RBFOX1: variants seen among roughly 807,000 people sequenced by gnomAD.
RBFOX1 encodes RNA binding protein fox-1 homolog 1.
Under a neutral mutation model 57.7 loss-of-function variants are expected in RBFOX1, and 8 were observed. The observed-to-expected ratio is 0.14, with a 90% CI of 0.08 to 0.25. The LOEUF (loss-of-function observed/expected upper bound fraction) is 0.25. Among genes scored for constraint, RBFOX1 ranks in the 10% least tolerant of loss-of-function variants. The pLI, the probability that RBFOX1 is intolerant of heterozygous loss-of-function variation, is 1.00. For synonymous variants in RBFOX1, 326 were observed against 222.4 expected, an observed-to-expected ratio of 1.47 and a Z score of -4.15; for missense variants, 611 against 548.5, an observed-to-expected ratio of 1.11 and a Z score of -1.14.
At chr16:7,400,962 G>A (rs1009385344) in intron 4 of RBFOX1, among the ~76,000 whole-genome samples, 2 of 152,180 alleles carry the variant, frequency 1.3e-5, no homozygotes, top group Non-Finnish European at 2.9e-5. Context: ...TTTCTAATAT[G>A]TTACCCTGCC....
intron 14 of RBFOX1, among the ~76,000 whole-genome samples, chr16:7,708,772 G>C (rs1251816156): frequency 6.6e-6 from 1 of 152,154 alleles, no homozygotes; most frequent in African/African-American, 2.4e-5. Context: ...TACTTGAGCA[G>C]TGTAGAAACA....
At chr16:6,865,314 T>A (rs186534283) in intron 3 of RBFOX1, among the ~76,000 whole-genome samples, 21 of 152,206 alleles carry the variant, frequency 1.4e-4, no homozygotes, top group South Asian at 6.2e-4. Context: ...GGAGTGGGTT[T>A]TTTAAGTACT....
chr16:7,275,610 T>G (rs2153146540), intron 4 of RBFOX1, among the ~76,000 whole-genome samples: 1 of 152,338 alleles, frequency 6.6e-6, no homozygotes, highest in South Asian at 2.1e-4. Flanking sequence ...ATTTAGATGG[T>G]AGGTTGGATT....
At chr16:6,132,962 C>G (rs1401803712) in intron 1 of RBFOX1, among the ~76,000 whole-genome samples, 2 of 115,268 alleles carry the variant, frequency 1.7e-5, no homozygotes, top group African/African-American at 4.5e-5. Context: ...GAGACTCTGT[C>G]TCAAAAAAAA....
rs1380297281 is a variant in RBFOX1 at position 5,291,593 on chromosome 16, G to A, written c.219+51488G>A. Among the ~76,000 whole-genome samples, 3 of 152,202 alleles carry A rather than the reference G, an allele frequency of 2.0e-5. No individual in the cohort carries two copies. The East Asian group carries it at 5.8e-4, about 29-fold the overall frequency. On this transcript the variant is annotated intron_variant, in intron 1 of 2. Coordinates refer to the RBFOX1 transcript ENST00000585867. ...TTTATCATTGTTAACCCACAGAGCA[G>A]TGGGAGTCATTGAAAGTGAGTGATC...
intron 3 of RBFOX1, among the ~76,000 whole-genome samples, chr16:6,942,331 C>A (rs571068479): frequency 1.3e-5 from 2 of 152,202 alleles, no homozygotes; most frequent in East Asian, 3.9e-4. Context: ...CCACGCTCAG[C>A]TAATTTTTTG....
intron 3 of RBFOX1, among the ~76,000 whole-genome samples, chr16:6,934,955 G>T (rs116113087): frequency 6.6e-6 from 1 of 152,056 alleles, no homozygotes; most frequent in East Asian, 1.9e-4. Flanking sequence ...TGGCCTGGTG[G>T]CATTTGCCTG....
intron 3 of RBFOX1, among the ~76,000 whole-genome samples, chr16:6,671,930 C>G (rs143627885): frequency 6.6e-6 from 1 of 152,258 alleles, no homozygotes; most frequent in East Asian, 1.9e-4. Flanking sequence ...AAAACTGTTG[C>G]GACTACTAAG....
At chr16:7,330,248 C>T (rs115091589) in intron 4 of RBFOX1, among the ~76,000 whole-genome samples, 2,111 of 151,982 alleles carry the variant, frequency 0.014, 48 homozygotes, top group African/African-American at 0.047. Context: ...CACATCTTCC[C>T]GTATACATAT....
chr16:6,367,664 G>A (rs1048493718), intron 2 of RBFOX1, among the ~76,000 whole-genome samples: 2 of 151,836 alleles, frequency 1.3e-5, no homozygotes, highest in Admixed American at 1.3e-4. Flanking sequence ...GAGGGAGCTG[G>A]GGTGTTTTGC....
intron 3 of RBFOX1, among the ~76,000 whole-genome samples, chr16:6,997,373 C>T (rs951883399): frequency 1.3e-5 from 2 of 152,160 alleles, no homozygotes; most frequent in South Asian, 2.1e-4. Context: ...GTACAATTGT[C>T]AACCTATGTT....
At chr16:6,791,744 G>A (rs746761145) in intron 3 of RBFOX1, among the ~76,000 whole-genome samples, 3 of 152,196 alleles carry the variant, frequency 2.0e-5, no homozygotes, top group Non-Finnish European at 2.9e-5. Flanking sequence ...CTGGGGGAAA[G>A]AGTGAGAGTC....
At chr16:7,157,662 A>C (rs1028680738) in intron 4 of RBFOX1, among the ~76,000 whole-genome samples, 2 of 152,122 alleles carry the variant, frequency 1.3e-5, no homozygotes, top group African/African-American at 4.8e-5. Context: ...TGGAAATGAC[A>C]GTATCTCTAC....
intron 2 of RBFOX1, among the ~76,000 whole-genome samples, chr16:5,520,674 G>A (rs1262831609): frequency 6.6e-6 from 1 of 152,200 alleles, no homozygotes; most frequent in African/African-American, 2.4e-5. Context: ...AAAAGAGACT[G>A]TATATGCTCG....
At chr16:7,278,805 C>G (rs538689212) in intron 4 of RBFOX1, among the ~76,000 whole-genome samples, 17 of 152,314 alleles carry the variant, frequency 1.1e-4, no homozygotes, top group African/African-American at 2.9e-4. Context: ...GATATTCATT[C>G]TGAAGATTAA....
intron 2 of RBFOX1, among the ~76,000 whole-genome samples, chr16:6,542,079 C>T (rs1032161809): frequency 2.0e-5 from 3 of 151,984 alleles, no homozygotes; most frequent in Non-Finnish European, 4.4e-5. Flanking sequence ...CAGGTGTGCA[C>T]CATCACACAG....
chr16:7,582,098 C>A (rs1423435700), intron 6 of RBFOX1, among the ~76,000 whole-genome samples: 2 of 150,342 alleles, frequency 1.3e-5, no homozygotes, highest in East Asian at 4.1e-4. Context: ...GGCATGATCT[C>A]GGCTCATTGC....
chr16:6,281,650 A>C (rs1204755654), intron 1 of RBFOX1, among the ~76,000 whole-genome samples: 1 of 152,098 alleles, frequency 6.6e-6, no homozygotes. Flanking sequence ...GTTGGTAGTA[A>C]CGGCAAAAAC....
intron 3 of RBFOX1, among the ~76,000 whole-genome samples, chr16:6,999,345 T>C (rs1171102193): frequency 6.6e-6 from 1 of 151,372 alleles, no homozygotes; most frequent in African/African-American, 2.4e-5. Context: ...GCATGAGCCG[T>C]TGTGCCTGGC....
Sources: allele counts gnomAD v4.1 joint callset (sites outside exome capture counted in the v4.1 genomes callset), GRCh38; gene constraint gnomAD v4.1.1; transcripts MANE v1.5; gene names NCBI Gene and HGNC (gene_info 2026-07-23, HGNC 2026-07-21).